AGBL1: variants seen among roughly 807,000 people sequenced by gnomAD.
AGBL1 encodes cytosolic carboxypeptidase 4.
Under a neutral mutation model 118.9 loss-of-function variants are expected in AGBL1, and 130 were observed. The observed-to-expected ratio is 1.09, with a 90% CI of 0.95 to 1.26. The LOEUF (loss-of-function observed/expected upper bound fraction) is 1.26. Ranked by LOEUF, AGBL1 falls within the 50% of genes most tolerant of loss-of-function variation. The probability of loss-of-function intolerance (pLI) is 0.00; values close to 1 mark genes in which losing one functional copy is unlikely to be tolerated. For missense variants in AGBL1, 1,584 were observed against 1,298.1 expected (o/e 1.22, Z -3.38); for synonymous variants, 555 against 478.9 (o/e 1.16, Z -2.08).
At chr15:86,549,759 C>T (rs1307332480) in intron 20 of AGBL1, among the ~76,000 whole-genome samples, 2 of 148,332 alleles carry the variant, frequency 1.3e-5, no homozygotes, top group Admixed American at 6.9e-5. Context: ...AAGTTAATGG[C>T]AAAATATGAT....
At chr15:86,592,070 G>A (rs751539699) in intron 21 of AGBL1, among the ~76,000 whole-genome samples, 11 of 152,096 alleles carry the variant, frequency 7.2e-5, no homozygotes, top group Non-Finnish European at 1.3e-4. Context: ...CATATCAGGA[G>A]GTACATAGTG....
intron 5 of AGBL1, among the ~76,000 whole-genome samples, chr15:86,220,857 A>C (rs1309283023): frequency 6.6e-6 from 1 of 152,192 alleles, no homozygotes; most frequent in Non-Finnish European, 1.5e-5. Context: ...ATGGGGGATG[A>C]TGTTATGAGT....
At chr15:86,123,609 A>G (rs1304201700) in intron 1 of AGBL1, among the ~76,000 whole-genome samples, 3 of 152,174 alleles carry the variant, frequency 2.0e-5, no homozygotes, top group African/African-American at 7.2e-5. Flanking sequence ...TAACTCTTCC[A>G]ATAAATTGCC....
At chr15:86,817,123 C>T (rs1461480849) in intron 22 of AGBL1, among the ~76,000 whole-genome samples, 2 of 151,822 alleles carry the variant, frequency 1.3e-5, no homozygotes, top group African/African-American at 4.8e-5. Context: ...TCCATCTCTA[C>T]TATAAAATAC....
chr15:86,223,717 T>C (rs753178768), intron 5 of AGBL1, among the ~76,000 whole-genome samples: 6 of 152,224 alleles, frequency 3.9e-5, no homozygotes, highest in Non-Finnish European at 8.8e-5. Flanking sequence ...CACAGGGGCC[T>C]GTGAATTTCA....
chr15:86,252,359 C>G (rs1045930568), intron 7 of AGBL1, among the ~76,000 whole-genome samples: 1 of 152,176 alleles, frequency 6.6e-6, no homozygotes, highest in East Asian at 1.9e-4. Context: ...GAATCAAGAA[C>G]TGGATACCCT....
intron 17 of AGBL1, among the ~76,000 whole-genome samples, chr15:86,318,875 T>C (rs187381401): frequency 6.6e-6 from 1 of 152,240 alleles, no homozygotes; most frequent in East Asian, 1.9e-4. Flanking sequence ...TGGTCTGTGA[T>C]GTACATTGTA....
chr15:86,861,161 G>C (rs903827732), intron 22 of AGBL1, among the ~76,000 whole-genome samples: 16 of 152,098 alleles, frequency 1.1e-4, no homozygotes, highest in Non-Finnish European at 1.9e-4. Context: ...AGGGAATTCT[G>C]ATCCCCATTG....
intron 5 of AGBL1, among the ~76,000 whole-genome samples, chr15:86,212,924 A>G (rs2078125230): frequency 6.6e-6 from 1 of 152,204 alleles, no homozygotes; most frequent in Non-Finnish European, 1.5e-5. Context: ...TGCTGGGATT[A>G]CAGGCATGGG....
intron 11 of AGBL1, 26 bp downstream of exon 11, chr15:86,264,864 T>C (rs767711313): frequency 5.9e-6 from 9 of 1,526,742 alleles, no homozygotes; most frequent in African/African-American, 4.2e-5. Flanking sequence ...ACTTGGGAGC[T>C]CTTTTTTTCT....
intron 17 of AGBL1, among the ~76,000 whole-genome samples, chr15:86,365,719 C>G (rs1340205022): frequency 2.0e-5 from 3 of 151,982 alleles, no homozygotes; most frequent in Non-Finnish European, 2.9e-5. Flanking sequence ...GTTCTGCTTT[C>G]TAAGAACCTT....
chr15:87,012,192 T>TACACACAC lies in AGBL1; in HGVS notation c.3324-16604_3324-16597dup, dbSNP rs57985975. ...ACTTTTCTTTGTATATACAAATTTA[T>TACACACAC]ACACACACACACACACACACACACA... On this transcript the variant is annotated intron_variant, in intron 24 of 24. Transcript: ENST00000441037. Among the ~76,000 whole-genome samples, 1,110 of 142,768 alleles carry TACACACAC rather than the reference T, an allele frequency of 7.8e-3. 9 individuals carry two copies. Among genetic ancestry groups the TACACACAC allele is most frequent in the South Asian group, 0.016 (68 of 4,318 alleles). 93.7% of individuals were successfully genotyped at this position (142,768 alleles called of 152,430 possible).
At chr15:87,005,916 A>G (rs1171272457) in intron 24 of AGBL1, among the ~76,000 whole-genome samples, 3 of 152,222 alleles carry the variant, frequency 2.0e-5, no homozygotes, top group Non-Finnish European at 4.4e-5. Context: ...TTTAACACTC[A>G]GGACCCTCAG....
intron 22 of AGBL1, among the ~76,000 whole-genome samples, chr15:86,836,382 G>T (rs62032583): frequency 0.1 from 15,787 of 152,102 alleles, 1,062 homozygotes; most frequent in Non-Finnish European, 0.15. Context: ...TTTTTCAGAG[G>T]TATTAGCGTA....
At chr15:86,198,484 A>G (rs1374828690) in intron 5 of AGBL1, among the ~76,000 whole-genome samples, 1 of 152,220 alleles carries the variant, frequency 6.6e-6, no homozygotes, top group Non-Finnish European at 1.5e-5. Context: ...TCAAGGGGTC[A>G]GAGGCAGAAT....
At chr15:86,963,286 G>T (rs1394203055) in intron 23 of AGBL1, among the ~76,000 whole-genome samples, 1 of 152,082 alleles carries the variant, frequency 6.6e-6, no homozygotes, top group Non-Finnish European at 1.5e-5. Context: ...TTGACACGTA[G>T]TATACAGAAT....
In AGBL1 at chr15:86,270,079, T is replaced by C. The variant is rs1567169310; in HGVS notation, c.1987+12T>C. 13 of 1,605,886 alleles carry C rather than the reference T, an allele frequency of 8.1e-6. No individual in the cohort carries two copies. Among genetic ancestry groups the C allele is most frequent in the Non-Finnish European group, 1.1e-5 (13 of 1,176,092 alleles). Reference sequence around the variant, plus strand: ...CCAGTTTAATTATGGTATGAACGCTTGGGGAGCAGGGGCTTTCTGGAACAT... The same window carrying C: ...CCAGTTTAATTATGGTATGAACGCTCGGGGAGCAGGGGCTTTCTGGAACAT... On this transcript the variant is annotated intron_variant, in intron 14 of 22. Transcript: ENST00000614907.
chr15:86,856,434 G>A (rs2079481279), intron 22 of AGBL1, among the ~76,000 whole-genome samples: 1 of 152,222 alleles, frequency 6.6e-6, no homozygotes, highest in Non-Finnish European at 1.5e-5. Flanking sequence ...TGGAGGTCTA[G>A]ATCTAAGACT....
At chr15:86,458,954 T>A (rs1445476642) in intron 18 of AGBL1, among the ~76,000 whole-genome samples, 2 of 152,196 alleles carry the variant, frequency 1.3e-5, no homozygotes, top group Non-Finnish European at 2.9e-5. Context: ...ACATGTCTCG[T>A]TAATTACTAA....
Sources: gnomAD v4.1 joint callset for allele counts (sites outside exome capture counted in the v4.1 genomes callset) on GRCh38, gnomAD v4.1.1 for gene constraint, MANE v1.5 for transcripts, NCBI Gene and HGNC (gene_info 2026-07-23, HGNC 2026-07-21) for gene names.